ALKBH1: variants seen among roughly 807,000 people sequenced by gnomAD.
ALKBH1 encodes alkB homolog 1, histone H2A dioxygenase, also known as nucleic acid dioxygenase ALKBH1.
ALKBH1 carries 31 observed loss-of-function variants against 36.6 expected under a neutral mutation model. The ratio of observed to expected loss-of-function variants is 0.85; its 90% CI spans 0.64 to 1.14. The LOEUF (loss-of-function observed/expected upper bound fraction) is 1.14. ALKBH1 is among the 50% of genes most tolerant of loss of function. The probability of loss-of-function intolerance (pLI) is 0.00; values close to 1 mark genes in which losing one functional copy is unlikely to be tolerated. For synonymous variants in ALKBH1, 183 were observed against 186.6 expected, an observed-to-expected ratio of 0.98 and a Z score of 0.16; for missense variants, 490 against 497.3, an observed-to-expected ratio of 0.99 and a Z score of 0.14.
rs117176416 is a variant in ALKBH1, at chr14:77,688,864, G to A, written c.455+5874C>T. 3.7e-3 allele frequency among the ~76,000 whole-genome samples: 563 copies of A among 152,184 alleles called. 2 individuals carry two copies. The highest frequency in any genetic ancestry group is 0.014 in the Middle Eastern group (4 of 294). On this transcript the variant is annotated intron_variant, in intron 3 of 5. Transcript: ENST00000216489. Reference sequence around the variant, plus strand: ...TGGGATTATAGGTGTGAGCCACCGCGCCTGGCCTGAACTAAATTCTTAATT... The same window carrying A: ...TGGGATTATAGGTGTGAGCCACCGCACCTGGCCTGAACTAAATTCTTAATT...
At chr14:77,692,178 T>C (rs1265944358) in intron 3 of ALKBH1, among the ~76,000 whole-genome samples, 1 of 152,248 alleles carries the variant, frequency 6.6e-6, no homozygotes, top group African/African-American at 2.4e-5. Flanking sequence ...ACGTATTATC[T>C]TGTTTAATCC....
At chr14:77,687,810 C>T (rs771682657) in intron 3 of ALKBH1, among the ~76,000 whole-genome samples, 1 of 147,508 alleles carries the variant, frequency 6.8e-6, no homozygotes, top group Non-Finnish European at 1.5e-5. Context: ...GGCCAACAGC[C>T]TTCTTTTCTA....
chr14:77,705,632 T>C (rs943952080), intron 1 of ALKBH1, among the ~76,000 whole-genome samples: 3 of 152,226 alleles, frequency 2.0e-5, no homozygotes, highest in Non-Finnish European at 4.4e-5. Context: ...TTTCTTTGTA[T>C]GTGAGTATCT....
chr14:77,704,718 A>G (rs1313195144), intron 1 of ALKBH1, among the ~76,000 whole-genome samples: 1 of 152,196 alleles, frequency 6.6e-6, no homozygotes, highest in Admixed American at 6.5e-5. Flanking sequence ...GATTAGAGGT[A>G]TATGCCACTG....
chr14:77,688,122 T>C (rs994671403), intron 3 of ALKBH1, among the ~76,000 whole-genome samples: 4 of 152,252 alleles, frequency 2.6e-5, no homozygotes, highest in Non-Finnish European at 4.4e-5. Flanking sequence ...CACTGCCATG[T>C]AGAAATCAGT....
At chr14:77,682,721 T>C (rs180933431) in intron 3 of ALKBH1, among the ~76,000 whole-genome samples, 2 of 152,132 alleles carry the variant, frequency 1.3e-5, no homozygotes, top group Non-Finnish European at 2.9e-5. Context: ...TTTTGGAGAC[T>C]GTGTCTCATT....
At chr14:77,676,321 G>T in intron 4 of ALKBH1, among the ~76,000 whole-genome samples, 1 of 151,968 alleles carries the variant, frequency 6.6e-6, no homozygotes, top group Non-Finnish European at 1.5e-5. Flanking sequence ...ATCTAATAAT[G>T]AATCATTCAA....
intron 2 of ALKBH1, among the ~76,000 whole-genome samples, chr14:77,695,594 G>A (rs1173055146): frequency 6.6e-6 from 1 of 152,182 alleles, no homozygotes; most frequent in African/African-American, 2.4e-5. Flanking sequence ...GCTTCTCAAT[G>A]TAGTAATCCC....
At chr14:77,700,755 C>T (rs564142537) in intron 2 of ALKBH1, among the ~76,000 whole-genome samples, 1 of 152,214 alleles carries the variant, frequency 6.6e-6, no homozygotes, top group Admixed American at 6.5e-5. Flanking sequence ...TTTAGGCAGT[C>T]CATTTTAGAC....
At chr14:77,675,591 TA>T in intron 5 of ALKBH1, 64 bp downstream of exon 5, 2 of 1,435,042 alleles carry the variant, frequency 1.4e-6, no homozygotes, top group Non-Finnish European at 1.9e-6. Flanking sequence ...TATTTTAGAG[TA>T]AAATGTCTTA....
intron 2 of ALKBH1, among the ~76,000 whole-genome samples, chr14:77,696,425 T>G (rs1043384601): frequency 1.3e-5 from 2 of 152,122 alleles, no homozygotes; most frequent in African/African-American, 4.8e-5. Context: ...GGCACTTTCT[T>G]AAGAATTAGA....
intron 1 of ALKBH1, among the ~76,000 whole-genome samples, chr14:77,705,171 T>G (rs774130250): frequency 2.0e-5 from 3 of 151,932 alleles, no homozygotes; most frequent in Non-Finnish European, 4.4e-5. Context: ...TCCCAGCACT[T>G]TGGGAGGCTG....
At chr14:77,675,957 T>A in intron 4 of ALKBH1, 108 bp from the exon 5 acceptor site, 1 of 903,126 alleles carries the variant, frequency 1.1e-6, no homozygotes, top group African/African-American at 1.7e-5. Context: ...AAAGTCATAT[T>A]AACATATTAA....
At chr14:77,675,365 C>T (rs999969924) in intron 5 of ALKBH1, among the ~76,000 whole-genome samples, 4 of 151,360 alleles carry the variant, frequency 2.6e-5, no homozygotes, top group African/African-American at 9.7e-5. Flanking sequence ...AACTGGGAGG[C>T]GGAGGTTGAA....
In ALKBH1 at chr14:77,674,034, A is replaced by G; in HGVS notation, c.948T>C (p.Asp316=). 6.2e-7 allele frequency: 1 copy of G among 1,614,178 alleles called. No individual in the cohort carries two copies. Among genetic ancestry groups the G allele is most frequent in the Non-Finnish European group, 8.5e-7 (1 of 1,180,038 alleles). ...EAPLPAVLPR[D]SMVEPCSMED... The stretch of plus-strand genomic sequence containing the variant: ...CCATAGAACAAGGCTCTACCATTGA[A>G]TCTCTCGGGAGGACAGCAGGGAGAG... The change falls in exon 6 of 6, where the codon GAT becomes GAC. Residue 316 remains aspartate (D), a synonymous_variant. Coordinates refer to ENST00000216489, the MANE Select transcript of ALKBH1 (RefSeq NM_006020.3).
Position 77,707,942 on chromosome 14 carries a change from G to A in ALKBH1, c.63C>T (p.Asp21=), listed in dbSNP as rs1316798788. Reference sequence around the variant, plus strand: ...AGAAGCGGAAAAGTTTCCGAAAGGCGTCCTCCCCGGGCTCAGTCGCCAGAG... The same window carrying A: ...AGAAGCGGAAAAGTTTCCGAAAGGCATCCTCCCCGGGCTCAGTCGCCAGAG... ...VATLATEPGE[D]AFRKLFRFYR... Residue 21 remains aspartate (D), a synonymous_variant, in exon 1 of 6, where the codon GAC becomes GAT. Coordinates refer to ENST00000216489, the MANE Select transcript of ALKBH1 (RefSeq NM_006020.3). The A allele has an allele frequency of 5.6e-6, 9 of 1,613,234 alleles. No homozygotes were observed. Among genetic ancestry groups the A allele is most frequent in the Non-Finnish European group, 6.8e-6 (8 of 1,179,958 alleles).
chr14:77,676,158 G>C (rs1337775729), intron 4 of ALKBH1, among the ~76,000 whole-genome samples: 1 of 84,228 alleles, frequency 1.2e-5, no homozygotes, highest in Non-Finnish European at 2.7e-5. Context: ...ACCATGCCTG[G>C]CTAATTTTTT....
intron 4 of ALKBH1, among the ~76,000 whole-genome samples, chr14:77,678,642 A>G (rs1394867070): frequency 6.6e-6 from 1 of 151,880 alleles, no homozygotes; most frequent in East Asian, 1.9e-4. Context: ...TAATCAGTAT[A>G]CTCCCTTGGT....
chr14:77,688,243 ATT>A (rs10552601), intron 3 of ALKBH1, among the ~76,000 whole-genome samples: 50,205 of 133,410 alleles, frequency 0.38, 7,943 homozygotes, highest in East Asian at 0.49. Context: ...ATTAAACTAA[ATT>A]TTTTTTTTTT....
Sources: allele counts gnomAD v4.1 joint callset (sites outside exome capture counted in the v4.1 genomes callset), GRCh38; gene constraint gnomAD v4.1.1; transcripts MANE v1.5; gene names NCBI Gene and HGNC (gene_info 2026-07-23, HGNC 2026-07-21).